NDST1: variants seen among roughly 807,000 people sequenced by gnomAD.
NDST1 encodes bifunctional heparan sulfate N-deacetylase/N-sulfotransferase 1.
A neutral mutation model predicts 92.8 loss-of-function variants in NDST1; 35 were observed. That is an observed-to-expected ratio of 0.38 (90% confidence interval 0.29 to 0.50). NDST1 has a LOEUF of 0.50. Ranked by LOEUF, NDST1 falls within the 20% of genes least tolerant of loss-of-function variation. The probability of loss-of-function intolerance (pLI) is 0.94; values close to 1 mark genes in which losing one functional copy is unlikely to be tolerated. For missense variants in NDST1, 822 were observed against 1,182.7 expected, an observed-to-expected ratio of 0.69 and a Z score of 4.47; for synonymous variants, 493 against 500.3, an observed-to-expected ratio of 0.99 and a Z score of 0.19.
rs1036451732 is a variant in NDST1, at chr5:150,549,541, C to T, written c.2317-137C>T. ...CCTGAGCTTGGGGATACCTGCCCTT[C>T]AACAGGGGAGGAGGAGCCAGTTCTA... On this transcript the variant is annotated intron_variant, in intron 12 of 14. Transcript: ENST00000261797. 98 of 695,094 alleles carry T rather than the reference C, an allele frequency of 1.4e-4. 1 individual carries two copies. In the Admixed American group the frequency reaches 1.8e-3, roughly 13 times the overall value. 43.1% of individuals were successfully genotyped at this position (695,094 alleles called of 1,614,324 possible). A position where few individuals can be genotyped will look rare whatever the true frequency, so the allele number is the denominator to read the frequency against.
At chr5:150,516,345 A>C (rs561481651) in intron 1 of NDST1, among the ~76,000 whole-genome samples, 93 of 152,372 alleles carry the variant, frequency 6.1e-4, no homozygotes, top group African/African-American at 2.1e-3. Flanking sequence ...AGGGATTGTC[A>C]TAAGTATGTT....
intron 5 of NDST1, 59 bp from the exon 6 acceptor site, chr5:150,535,641 A>G: frequency 3.1e-6 from 5 of 1,590,660 alleles, no homozygotes; most frequent in Non-Finnish European, 2.6e-6. Flanking sequence ...CAAAGGGGGG[A>G]TAAGGCCCAA....
chr5:150,543,889 C>T (rs1270678862), intron 10 of NDST1, among the ~76,000 whole-genome samples: 2 of 152,054 alleles, frequency 1.3e-5, no homozygotes, highest in East Asian at 1.9e-4. Context: ...AAGTGATTCT[C>T]CTGCTTCAGC....
chr5:150,531,933 G>T (rs749192514), intron 3 of NDST1, among the ~76,000 whole-genome samples: 4 of 152,196 alleles, frequency 2.6e-5, no homozygotes, highest in Admixed American at 1.3e-4. Flanking sequence ...CGGGAAGACC[G>T]CATTGCTGGG....
intron 2 of NDST1, among the ~76,000 whole-genome samples, chr5:150,523,199 C>T (rs1286653139): frequency 6.6e-6 from 1 of 152,198 alleles, no homozygotes; most frequent in African/African-American, 2.4e-5. Flanking sequence ...ATCACAAAAC[C>T]CTTTCTTTTA....
chr5:150,534,639 A>G (rs1225407758), intron 4 of NDST1, among the ~76,000 whole-genome samples: 1 of 152,248 alleles, frequency 6.6e-6, no homozygotes, highest in Non-Finnish European at 1.5e-5. Context: ...AAGGATCTAG[A>G]GAGCAGATAG....
chr5:150,547,147 A>G (rs1755523998), intron 11 of NDST1, among the ~76,000 whole-genome samples: 1 of 152,260 alleles, frequency 6.6e-6, no homozygotes, highest in Non-Finnish European at 1.5e-5. Flanking sequence ...ACCAAGTTTC[A>G]GCAAGTTTCA....
In NDST1 at chr5:150,521,031, C is replaced by T. The variant is rs1037123546; in HGVS notation, c.-224C>T. Reference sequence around the variant, plus strand: ...GGTTTGCCATGGTGACATAAAGGGGCGCGGAGGAAGGAAGGAGCGTGACCA... The same window carrying T: ...GGTTTGCCATGGTGACATAAAGGGGTGCGGAGGAAGGAAGGAGCGTGACCA... On this transcript the variant is annotated 5_prime_UTR_variant, in exon 2 of 15. Coordinates refer to ENST00000261797, the MANE Select transcript of NDST1 (RefSeq NM_001543.5). The surrounding 1 kb of genome is among the most constrained non-coding windows in gnomAD (Gnocchi z 5.9). The T allele has an allele frequency of 3.5e-5, 21 of 599,016 alleles. No homozygotes were observed. The highest frequency in any genetic ancestry group is 1.7e-4 in the East Asian group (6 of 36,216). The allele number at this position is 599,016 out of a possible 1,614,324, so 37.1% of individuals were successfully genotyped here. A position where few individuals can be genotyped will look rare whatever the true frequency, so the allele number is the denominator to read the frequency against.
chr5:150,525,132 G>C (rs544140582), intron 2 of NDST1, among the ~76,000 whole-genome samples: 1 of 152,208 alleles, frequency 6.6e-6, no homozygotes, highest in Non-Finnish European at 1.5e-5. Context: ...TGTCTCCGGA[G>C]TGGGTACTCA....
chr5:150,543,969 G>A (rs983815699), intron 10 of NDST1, among the ~76,000 whole-genome samples: 3 of 152,116 alleles, frequency 2.0e-5, no homozygotes, highest in Non-Finnish European at 2.9e-5. Flanking sequence ...TAGTAGAGAC[G>A]AGGTTTTGCC....
intron 1 of NDST1, among the ~76,000 whole-genome samples, chr5:150,513,410 G>A (rs1270124838): frequency 3.9e-5 from 6 of 152,176 alleles, no homozygotes; most frequent in East Asian, 1.9e-4. Flanking sequence ...AAAATCGCTC[G>A]AAGCTTGAAC....
At chr5:150,532,562 G>C (rs1435244500) in intron 3 of NDST1, among the ~76,000 whole-genome samples, 1 of 152,120 alleles carries the variant, frequency 6.6e-6, no homozygotes, top group Non-Finnish European at 1.5e-5. Context: ...CTGTCACCCA[G>C]GCTGGAGTGA....
chr5:150,535,729 T>C lies in NDST1; in HGVS notation c.1281T>C (p.Tyr427=). 1 of 1,614,202 alleles carries C rather than the reference T, an allele frequency of 6.2e-7. No individual in the cohort carries two copies. Among genetic ancestry groups the C allele is most frequent in the Non-Finnish European group, 8.5e-7 (1 of 1,180,038 alleles). The change falls in exon 6 of 15, where the codon TAT becomes TAC. Residue 427 remains tyrosine, a synonymous_variant. Transcript: ENST00000261797. ...ATGGCATTCCCACAGACATGGGGTA[T>C]GCAGTGGCGCCCCACCACTCGGGCG... The part of the protein sequence containing the change: ...VEHGIPTDMG[Y]AVAPHHSGVY...
At chr5:150,524,894 G>A (rs1754400271) in intron 2 of NDST1, among the ~76,000 whole-genome samples, 1 of 152,254 alleles carries the variant, frequency 6.6e-6, no homozygotes, top group African/African-American at 2.4e-5. Flanking sequence ...GATTAGAGAT[G>A]CTCAACCTGT....
At chr5:150,540,774 C>T (rs769706113) in intron 8 of NDST1, among the ~76,000 whole-genome samples, 1 of 152,094 alleles carries the variant, frequency 6.6e-6, no homozygotes, top group Non-Finnish European at 1.5e-5. Flanking sequence ...GTGATCACAC[C>T]ACTGTACTCC....
At position 150,521,871 on chromosome 5, in the gene NDST1, G is replaced by A; in HGVS notation, c.513+104G>A. On this transcript the variant is annotated intron_variant, in intron 2 of 14. Coordinates refer to ENST00000261797, the MANE Select transcript of NDST1 (RefSeq NM_001543.5). This position sits in a 1 kb window ranked among gnomAD's most constrained non-coding sequence, Gnocchi z 5.9. ...GTGTAATGGTAGCACCCGCCTCCTG[G>A]GGTTGTTGGGAGGGTTAAATGAGTG... is the stretch of plus-strand genomic sequence containing the variant. 6.7e-7 allele frequency: 1 copy of A among 1,485,116 alleles called. No individual in the cohort carries two copies. Among genetic ancestry groups the A allele is most frequent in the Admixed American group, 1.7e-5 (1 of 58,194 alleles). The allele number at this position is 1,485,116 out of a possible 1,614,324, so 92.0% of individuals were successfully genotyped here.
chr5:150,524,730 T>C (rs928987626), intron 2 of NDST1, among the ~76,000 whole-genome samples: 2 of 152,268 alleles, frequency 1.3e-5, no homozygotes, highest in Non-Finnish European at 2.9e-5. Flanking sequence ...TGTCTCAGAT[T>C]TTGGAATGCT....
At chr5:150,528,619 C>T (rs537768132) in intron 3 of NDST1, among the ~76,000 whole-genome samples, 24 of 151,764 alleles carry the variant, frequency 1.6e-4, no homozygotes, top group Admixed American at 1.1e-3. Context: ...AGCGAAACCC[C>T]ATCTCTACTA....
Position 150,534,904 on chromosome 5 carries a change from G to A in NDST1, c.1134G>A (p.Leu378=). ...NAEDAGDDLL[L]SYVKEFWWFP... The stretch of plus-strand genomic sequence containing the variant: ...AGGACGCTGGGGATGATCTGCTGCT[G>A]TCGTATGTGAAGGAGTTCTGGTGGT... Residue 378 remains leucine (L), a synonymous_variant, in exon 5 of 15, where the codon CTG becomes CTA. Transcript: ENST00000261797. 6.2e-7 allele frequency: 1 copy of A among 1,614,262 alleles called. No individual in the cohort carries two copies. The highest frequency in any genetic ancestry group is 1.1e-5 in the South Asian group (1 of 91,090).
Sources: allele counts gnomAD v4.1 joint callset (sites outside exome capture counted in the v4.1 genomes callset), GRCh38; gene constraint gnomAD v4.1.1; non-coding constraint Gnocchi (gnomAD v3.1); transcripts MANE v1.5; gene names NCBI Gene and HGNC (gene_info 2026-07-23, HGNC 2026-07-21).